The following REDIC1 variants were observed in gnomAD, a reference collection of about 807,000 sequenced individuals.
The protein encoded by REDIC1 is HEI10 Interacting Protein 1.
the REDIC1 span, chr12:39,691,971 G>T: frequency 8.0e-7 from 1 of 1,243,762 alleles, no homozygotes; most frequent in Non-Finnish European, 1.1e-6. Context: ...AAAATGAATT[G>T]GTAGTGTAAA....
At chr12:39,787,826 G>T in the REDIC1 span, among the ~76,000 whole-genome samples, 1 of 152,138 alleles carries the variant, frequency 6.6e-6, no homozygotes, top group African/African-American at 2.4e-5. Context: ...AAATCAGAAA[G>T]GCCAAATGCA....
the REDIC1 span, among the ~76,000 whole-genome samples, chr12:39,851,713 G>C: frequency 2.6e-5 from 4 of 152,182 alleles, no homozygotes; most frequent in East Asian, 7.7e-4. Context: ...GGATGGATTT[G>C]TATTATCAGC....
At chr12:39,906,029 C>T in the REDIC1 span, among the ~76,000 whole-genome samples, 1 of 152,106 alleles carries the variant, frequency 6.6e-6, no homozygotes, top group African/African-American at 2.4e-5. Context: ...ATCTGTAAAA[C>T]ACCATAAATG....
chr12:39,724,772 A>G, the REDIC1 span, among the ~76,000 whole-genome samples: 1 of 152,154 alleles, frequency 6.6e-6, no homozygotes, highest in African/African-American at 2.4e-5. Context: ...GTGAAGAGAG[A>G]ATTTGTGAAG....
chr12:39,704,479 G>T, the REDIC1 span, among the ~76,000 whole-genome samples: 2 of 152,184 alleles, frequency 1.3e-5, no homozygotes, highest in African/African-American at 4.8e-5. Context: ...TGGTGGGACT[G>T]TAAACTAGTT....
chr12:39,778,576 T>C, the REDIC1 span, among the ~76,000 whole-genome samples: 2 of 152,218 alleles, frequency 1.3e-5, no homozygotes, highest in African/African-American at 2.4e-5. Flanking sequence ...GTTATTTTGG[T>C]TTAAAAATGG....
At chr12:39,739,259 C>T in the REDIC1 span, among the ~76,000 whole-genome samples, 1 of 152,230 alleles carries the variant, frequency 6.6e-6, no homozygotes, top group African/African-American at 2.4e-5. Context: ...GAGGACCTAC[C>T]ATATGGAAAT....
At chr12:39,812,877 C>G in the REDIC1 span, among the ~76,000 whole-genome samples, 2 of 148,516 alleles carry the variant, frequency 1.3e-5, no homozygotes, top group Non-Finnish European at 3.0e-5. Flanking sequence ...CTCTGTCACC[C>G]AGGCTGGAGT....
the REDIC1 span, among the ~76,000 whole-genome samples, chr12:39,793,011 A>G: frequency 6.6e-6 from 1 of 152,172 alleles, no homozygotes; most frequent in Non-Finnish European, 1.5e-5. Flanking sequence ...GGTTAACAAA[A>G]TCTTTCACAT....
At chr12:39,728,760 T>C in the REDIC1 span, among the ~76,000 whole-genome samples, 1 of 148,176 alleles carries the variant, frequency 6.7e-6, no homozygotes, top group Non-Finnish European at 1.5e-5. Flanking sequence ...AATTCGGCTC[T>C]GAATCCATCT....
At chr12:39,665,022 TG>T in the REDIC1 span, among the ~76,000 whole-genome samples, 1 of 152,358 alleles carries the variant, frequency 6.6e-6, no homozygotes, top group South Asian at 2.1e-4. Context: ...TTCTGTAGGT[TG>T]CCTGTTCATT....
chr12:39,774,043 T>A, the REDIC1 span, among the ~76,000 whole-genome samples: 1 of 152,170 alleles, frequency 6.6e-6, no homozygotes, highest in Admixed American at 6.5e-5. Context: ...AACATAGATA[T>A]CCCTCTAAAA....
At chr12:39,877,487 G>A in the REDIC1 span, among the ~76,000 whole-genome samples, 2 of 152,100 alleles carry the variant, frequency 1.3e-5, no homozygotes, top group Non-Finnish European at 2.9e-5. Context: ...GATTTGGGTG[G>A]GGACACAGCC....
At chr12:39,809,089 G>A in the REDIC1 span, among the ~76,000 whole-genome samples, 1 of 152,052 alleles carries the variant, frequency 6.6e-6, no homozygotes, top group Non-Finnish European at 1.5e-5. Context: ...TGTGTTTAGG[G>A]TGTAAGAGTT....
the REDIC1 span, among the ~76,000 whole-genome samples, chr12:39,788,392 C>T: frequency 1.3e-5 from 2 of 152,096 alleles, no homozygotes; most frequent in South Asian, 2.1e-4. Flanking sequence ...AATCTGATAA[C>T]TGAGAAGACT....
At chr12:39,701,406 A>G in the REDIC1 span, among the ~76,000 whole-genome samples, 30 of 152,342 alleles carry the variant, frequency 2.0e-4, no homozygotes, top group African/African-American at 7.2e-4. Context: ...ATATATATGC[A>G]CCCAATACAG....
the REDIC1 span, among the ~76,000 whole-genome samples, chr12:39,701,667 A>G: frequency 1.1e-3 from 175 of 152,338 alleles, 2 homozygotes; most frequent in East Asian, 0.025. Context: ...CACCTATTCC[A>G]AAATTGACCA....
At chr12:39,874,838 T>A in the REDIC1 span, among the ~76,000 whole-genome samples, 1 of 152,196 alleles carries the variant, frequency 6.6e-6, no homozygotes, top group Admixed American at 6.5e-5. Flanking sequence ...AACTGGAGGC[T>A]GACTGAACTA....
chr12:39,886,336 T>C, the REDIC1 span, among the ~76,000 whole-genome samples: 1 of 152,140 alleles, frequency 6.6e-6, no homozygotes, highest in Admixed American at 6.6e-5. Context: ...TTACACTTGG[T>C]TCATTTCAAT....
Sources: gnomAD v4.1 joint callset for allele counts (sites outside exome capture counted in the v4.1 genomes callset) on GRCh38, gnomAD v4.1.1 for gene constraint, MANE v1.5 for transcripts, NCBI Gene and HGNC (gene_info 2026-07-23, HGNC 2026-07-21) for gene names.